Variants in HSD11B1 observed in about 807,000 individuals in gnomAD.
HSD11B1 encodes hydroxysteroid 11-beta dehydrogenase 1, also known as 11-beta-hydroxysteroid dehydrogenase 1.
A neutral mutation model predicts 22.1 loss-of-function variants in HSD11B1; 15 were observed. That is an observed-to-expected ratio of 0.68 (90% CI 0.45 to 1.04). HSD11B1 has a LOEUF of 1.04. Ranked by LOEUF, HSD11B1 falls within the 50% of genes least tolerant of loss-of-function variation. The pLI, the probability that HSD11B1 is intolerant of heterozygous loss-of-function variation, is 0.00. For synonymous variants in HSD11B1, 122 were observed against 125.2 expected (o/e 0.97, Z 0.17); for missense variants, 281 against 357.6 (o/e 0.79, Z 1.73).
intron 1 of HSD11B1, among the ~76,000 whole-genome samples, chr1:209,698,184 TA>T (rs2076804592): frequency 7.4e-6 from 1 of 134,500 alleles, no homozygotes; most frequent in Non-Finnish European, 1.8e-5. Flanking sequence ...GATAGATAGA[TA>T]GATAGATAGA....
chr1:209,731,667 A>T (rs756744441), intron 4 of HSD11B1, among the ~76,000 whole-genome samples: 1 of 152,174 alleles, frequency 6.6e-6, no homozygotes, highest in Non-Finnish European at 1.5e-5. Context: ...CAGTCTGGTG[A>T]ACATTTTTTT....
chr1:209,705,989 G>A, intron 2 of HSD11B1, 48 bp downstream of exon 2: 1 of 1,611,298 alleles, frequency 6.2e-7, no homozygotes, highest in Non-Finnish European at 8.5e-7. Flanking sequence ...ATGCTCAGAT[G>A]TGTTCTTATA....
chr1:209,725,302 C>T (rs1193957280), intron 4 of HSD11B1, among the ~76,000 whole-genome samples: 4 of 152,122 alleles, frequency 2.6e-5, no homozygotes, highest in Non-Finnish European at 4.4e-5. Context: ...ATAAACTTTG[C>T]TATTATTTTC....
chr1:209,693,281 A>G (rs185917098), intron 1 of HSD11B1, among the ~76,000 whole-genome samples: 14 of 152,346 alleles, frequency 9.2e-5, no homozygotes, highest in African/African-American at 3.4e-4. Flanking sequence ...ATATATAAAG[A>G]TTAGGAGGGA....
At position 209,706,487 on chromosome 1, in the gene HSD11B1, G is replaced by A. The variant is rs1210926889; in HGVS notation, c.220-222G>A. ...TCATGAACTTAAACCCCAGCACTGG[G>A]ATGATTTATCCATTTGAACCCCACC... On this transcript the variant is annotated intron_variant, in intron 2 of 5. Coordinates refer to ENST00000367027, the MANE Select transcript of HSD11B1 (RefSeq NM_005525.4). The surrounding 1 kb of genome is among the most constrained non-coding windows in gnomAD (Gnocchi z 4.0). Among the ~76,000 whole-genome samples, 1 of 152,142 alleles carries A rather than the reference G, an allele frequency of 6.6e-6. No homozygotes were observed. Among genetic ancestry groups the A allele is most frequent in the Non-Finnish European group, 1.5e-5 (1 of 68,022 alleles).
At chr1:209,730,308 A>G (rs1213307418) in intron 4 of HSD11B1, among the ~76,000 whole-genome samples, 10 of 152,230 alleles carry the variant, frequency 6.6e-5, no homozygotes, top group African/African-American at 2.4e-4. Flanking sequence ...CTGTTCCACT[A>G]TAATTAACAT....
chr1:209,704,879 G>T lies in HSD11B1; in HGVS notation c.-64G>T. 3.9e-6 allele frequency: 5 copies of T among 1,276,784 alleles called. No homozygotes were observed. Among genetic ancestry groups the T allele is most frequent in the African/African-American group, 1.5e-5 (1 of 68,350 alleles). 79.1% of individuals were successfully genotyped at this position (1,276,784 alleles called of 1,614,324 possible). Reference sequence around the variant, plus strand: ...GAGGCTGCTGCCTGCTTAGGAGGTTGTAGAAAGCTCTGTAGGTTCTCTCTG... The same window carrying T: ...GAGGCTGCTGCCTGCTTAGGAGGTTTTAGAAAGCTCTGTAGGTTCTCTCTG... On this transcript the variant is annotated 5_prime_UTR_variant, in exon 1 of 6. Transcript: ENST00000367027.
At chr1:209,691,552 T>C (rs1291442031) in intron 1 of HSD11B1, among the ~76,000 whole-genome samples, 2 of 145,944 alleles carry the variant, frequency 1.4e-5, no homozygotes, top group African/African-American at 4.9e-5. Context: ...TTTATTTGAA[T>C]TTTATATCTC....
chr1:209,716,158 A>G (rs2076928433), intron 4 of HSD11B1, among the ~76,000 whole-genome samples: 1 of 152,208 alleles, frequency 6.6e-6, no homozygotes, highest in African/African-American at 2.4e-5. Flanking sequence ...ACTCATTCAC[A>G]TGACATGATT....
chr1:209,697,913 T>TTTTTTTTTC (rs1450836044), intron 1 of HSD11B1, among the ~76,000 whole-genome samples: 1 of 139,406 alleles, frequency 7.2e-6, no homozygotes, highest in Admixed American at 7.3e-5. Context: ...TTTTTTTTTT[T>TTTTTTTTTC]TGAGATGAGG....
upstream of HSD11B1, among the ~76,000 whole-genome samples, chr1:209,704,346 T>C (rs2076843119): frequency 6.6e-6 from 1 of 152,178 alleles, no homozygotes; most frequent in East Asian, 1.9e-4. Context: ...AGTGTGGGGC[T>C]TATAGAGCTT....
At chr1:209,723,717 A>G (rs61279558) in intron 4 of HSD11B1, among the ~76,000 whole-genome samples, 14,780 of 151,524 alleles carry the variant, frequency 0.098, 2,169 homozygotes, top group African/African-American at 0.32. Context: ...CCTCCTCCCC[A>G]CTCCCTGACC....
intron 4 of HSD11B1, among the ~76,000 whole-genome samples, chr1:209,711,050 C>G (rs767253072): frequency 4.6e-5 from 7 of 152,184 alleles, no homozygotes; most frequent in Non-Finnish European, 8.8e-5. Context: ...AAACTCAAAC[C>G]AACAGATGAA....
chr1:209,716,565 GAA>G (rs376787054), intron 4 of HSD11B1, among the ~76,000 whole-genome samples: 1 of 146,496 alleles, frequency 6.8e-6, no homozygotes, highest in African/African-American at 2.5e-5. Context: ...CATAGAAATA[GAA>G]AAAAAAAACC....
At chr1:209,691,164 A>G (rs1329974903) in intron 1 of HSD11B1, among the ~76,000 whole-genome samples, 2 of 152,184 alleles carry the variant, frequency 1.3e-5, no homozygotes, top group African/African-American at 4.8e-5. Context: ...GAAAGGCAAG[A>G]CAGCAACATC....
chr1:209,691,164 A>C (rs1329974903), intron 1 of HSD11B1, among the ~76,000 whole-genome samples: 4 of 152,184 alleles, frequency 2.6e-5, no homozygotes, highest in Non-Finnish European at 5.9e-5. Flanking sequence ...GAAAGGCAAG[A>C]CAGCAACATC....
At chr1:209,687,501 T>C (rs1327158429) in intron 1 of HSD11B1, among the ~76,000 whole-genome samples, 2 of 152,262 alleles carry the variant, frequency 1.3e-5, no homozygotes, top group African/African-American at 2.4e-5. Context: ...AAAAGTTCTC[T>C]GTGTCCAATT....
In HSD11B1 at chr1:209,706,575, A is replaced by C; in HGVS notation, c.220-134A>C. 2.6e-6 allele frequency: 2 copies of C among 761,034 alleles called. No homozygotes were observed. Among genetic ancestry groups the C allele is most frequent in the Non-Finnish European group, 4.8e-6 (2 of 414,912 alleles). 47.1% of individuals were successfully genotyped at this position (761,034 alleles called of 1,614,324 possible). ...ATGAGGGTTATATTAGGCAACACACACACAAACATACTTACCATTTCTTAC... is the reference window on the plus strand; with the variant it reads ...ATGAGGGTTATATTAGGCAACACACCCACAAACATACTTACCATTTCTTAC... On this transcript the variant is annotated intron_variant, in intron 2 of 5. Coordinates refer to ENST00000367027, the MANE Select transcript of HSD11B1 (RefSeq NM_005525.4). This position sits in a 1 kb window ranked among gnomAD's most constrained non-coding sequence, Gnocchi z 4.0.
At position 209,706,040 on chromosome 1, in the gene HSD11B1, A is replaced by G; in HGVS notation, c.219+99A>G. The G allele has an allele frequency of 6.6e-7, 1 of 1,504,380 alleles. No individual in the cohort carries two copies. The highest frequency in any genetic ancestry group is 9.2e-7 in the Non-Finnish European group (1 of 1,085,406). 93.2% of individuals were successfully genotyped at this position (1,504,380 alleles called of 1,614,324 possible). A position where few individuals can be genotyped will look rare whatever the true frequency, so the allele number is the denominator to read the frequency against. ...ACAGAAGCTAGCATATCGCAGATCT[A>G]TATACAGAGGCACATGCACACACAC... On this transcript the variant is annotated intron_variant, in intron 2 of 5. Transcript: ENST00000367027. The surrounding 1 kb of genome is among the most constrained non-coding windows in gnomAD (Gnocchi z 4.0).
Sources: allele counts gnomAD v4.1 joint callset (sites outside exome capture counted in the v4.1 genomes callset), GRCh38; gene constraint gnomAD v4.1.1; non-coding constraint Gnocchi (gnomAD v3.1); transcripts MANE v1.5; gene names NCBI Gene and HGNC (gene_info 2026-07-23, HGNC 2026-07-21).